MBP: variants seen among roughly 807,000 people sequenced by gnomAD.
MBP encodes myelin basic protein.
A neutral mutation model predicts 35.8 loss-of-function variants in MBP; 16 were observed. The observed-to-expected ratio is 0.45, with a 90% CI of 0.30 to 0.68. The LOEUF (loss-of-function observed/expected upper bound fraction) is 0.68. MBP is among the 30% of genes least tolerant of loss of function. The pLI is 0.08. For synonymous variants in MBP, 143 were observed against 159.6 expected (o/e 0.90, Z 0.78); for missense variants, 380 against 404.7 (o/e 0.94, Z 0.52).
intron 4 of MBP, chr18:77,010,270 G>T (rs1971269986): frequency 3.7e-6 from 1 of 271,374 alleles, no homozygotes; most frequent in African/African-American, 2.2e-5. Context: ...TTCTTAATAT[G>T]GCAGCAGGCA....
chr18:77,024,904 G>A (rs1312798817), intron 3 of MBP, among the ~76,000 whole-genome samples: 2 of 152,188 alleles, frequency 1.3e-5, no homozygotes, highest in African/African-American at 4.8e-5. Flanking sequence ...ACACTGACCT[G>A]GGTGACGTGT....
intron 3 of MBP, among the ~76,000 whole-genome samples, chr18:77,033,355 A>G (rs764953635): frequency 2.6e-5 from 4 of 152,140 alleles, no homozygotes; most frequent in Non-Finnish European, 5.9e-5. Context: ...TGGTTGCCTC[A>G]TTTGCAAAAC....
chr18:77,109,523 T>C (rs1443269478), intron 1 of MBP: 1 of 152,230 alleles, frequency 6.6e-6, no homozygotes, highest in Non-Finnish European at 1.5e-5. Flanking sequence ...TTTGAAATAA[T>C]TGTGAGTGCA....
chr18:77,028,006 T>TTTATTTATTTA (rs1234045855), intron 3 of MBP, among the ~76,000 whole-genome samples: 4 of 52,032 alleles, frequency 7.7e-5, no homozygotes, highest in East Asian at 1.5e-3. Flanking sequence ...TTATTTATTT[T>TTTATTTATTTA]TTTATTGATC....
At chr18:77,111,147 C>A (rs145763665) in intron 1 of MBP, among the ~76,000 whole-genome samples, 5 of 152,138 alleles carry the variant, frequency 3.3e-5, no homozygotes, top group Non-Finnish European at 7.3e-5. Context: ...CATAAATACA[C>A]GCTGAAGACA....
intron 1 of MBP, among the ~76,000 whole-genome samples, chr18:77,112,003 T>C (rs1976471116): frequency 2.0e-5 from 3 of 152,128 alleles, no homozygotes; most frequent in Admixed American, 2.0e-4. Context: ...CCTCCCTCCA[T>C]TCCTCTTCCT....
intron 2 of MBP, among the ~76,000 whole-genome samples, chr18:77,092,897 G>A (rs1975594582): frequency 6.6e-6 from 1 of 152,148 alleles, no homozygotes. Context: ...GGAACACACC[G>A]GCCCCGCGTG....
chr18:77,051,098 A>T (rs771330893), intron 3 of MBP, among the ~76,000 whole-genome samples: 20 of 152,190 alleles, frequency 1.3e-4, no homozygotes, highest in Non-Finnish European at 2.9e-4. Context: ...GTAACATAGC[A>T]TGTAAGATTC....
rs1969785412 is a variant in MBP, at chr18:76,989,791, G to A, written c.681+165C>T. The A allele has an allele frequency of 1.6e-6, 1 of 624,142 alleles. No individual in the cohort carries two copies. Among genetic ancestry groups the A allele is most frequent in the South Asian group, 1.9e-5 (1 of 54,024 alleles). The allele number at this position is 624,142 out of a possible 1,614,324, so 38.7% of individuals were successfully genotyped here. A position where few individuals can be genotyped will look rare whatever the true frequency, so the allele number is the denominator to read the frequency against. On this transcript the variant is annotated intron_variant, in intron 5 of 8. Transcript: ENST00000355994. The surrounding 1 kb of genome is among the most constrained non-coding windows in gnomAD (Gnocchi z 4.0). ...GATACAGTCGGGAAGCGCTTGCCTG[G>A]AACTCGCGATCAGGTGCGAGGGGGG...
At chr18:76,980,504 G>A (rs780429241) in intron 8 of MBP, 33 bp from the exon 9 acceptor site, 2 of 1,564,968 alleles carry the variant, frequency 1.3e-6, no homozygotes, top group South Asian at 1.1e-5. Flanking sequence ...TAGGACGAGA[G>A]TGCCGCAGGG....
intron 3 of MBP, among the ~76,000 whole-genome samples, chr18:77,026,804 T>C (rs1384194385): frequency 6.6e-6 from 1 of 152,198 alleles, no homozygotes; most frequent in Non-Finnish European, 1.5e-5. Context: ...AAGTTGAGGC[T>C]GCAGTCAGCT....
In MBP at chr18:77,066,490, A is replaced by C. The variant is rs552895647; in HGVS notation, c.52-105T>G. 14 of 819,440 alleles carry C rather than the reference A, an allele frequency of 1.7e-5. No individual in the cohort carries two copies. The South Asian group carries it at 1.9e-4, about 11-fold the overall frequency. 50.8% of individuals were successfully genotyped at this position (819,440 alleles called of 1,614,324 possible). A position where few individuals can be genotyped will look rare whatever the true frequency, so the allele number is the denominator to read the frequency against. On this transcript the variant is annotated intron_variant, in intron 2 of 8. Transcript: ENST00000355994. ...TTTATAAATTTTTTATCAGATAATC[A>C]GTTTCACATCTGTTTTCAAGATAGA...
Position 76,988,702 on chromosome 18 carries a change from G to T in MBP, c.717+175C>A. 1.5e-6 allele frequency: 2 copies of T among 1,349,300 alleles called. No homozygotes were observed. The highest frequency in any genetic ancestry group is 2.0e-6 in the Non-Finnish European group (2 of 987,942). The allele number at this position is 1,349,300 out of a possible 1,614,324, so 83.6% of individuals were successfully genotyped here. A position where few individuals can be genotyped will look rare whatever the true frequency, so the allele number is the denominator to read the frequency against. ...CCACAGCGGCTGTGCAGGTGCGGGA[G>T]GGACAGGAGGGGTGCATGGATCTGC... On this transcript the variant is annotated intron_variant, in intron 6 of 8. Coordinates refer to ENST00000355994, the MANE Select transcript of MBP (RefSeq NM_001025101.2). The surrounding 1 kb of genome is among the most constrained non-coding windows in gnomAD (Gnocchi z 5.2).
At chr18:77,081,761 T>TACACAC (rs1482128294) in intron 2 of MBP, among the ~76,000 whole-genome samples, 6 of 122,882 alleles carry the variant, frequency 4.9e-5, no homozygotes, top group Non-Finnish European at 1.1e-4. Context: ...TATATATATA[T>TACACAC]ATATATACAC....
At chr18:77,055,741 A>G (rs1973694109) in intron 3 of MBP, among the ~76,000 whole-genome samples, 1 of 152,178 alleles carries the variant, frequency 6.6e-6, no homozygotes. Context: ...GCAAACTGCA[A>G]TCAGGAAGCC....
intron 3 of MBP, among the ~76,000 whole-genome samples, chr18:77,022,090 ATTTT>A (rs968276576): frequency 6.6e-6 from 1 of 152,124 alleles, no homozygotes; most frequent in Non-Finnish European, 1.5e-5. Context: ...AGTGCTTCTG[ATTTT>A]TTTAATCAAA....
chr18:77,112,008 C>T (rs1976471497), intron 1 of MBP, among the ~76,000 whole-genome samples: 2 of 152,126 alleles, frequency 1.3e-5, no homozygotes, highest in Admixed American at 1.3e-4. Flanking sequence ...CTCCATTCCT[C>T]TTCCTCTTAT....
intron 1 of MBP, among the ~76,000 whole-genome samples, chr18:77,125,149 G>A (rs1339988407): frequency 6.6e-6 from 1 of 152,074 alleles, no homozygotes; most frequent in African/African-American, 2.4e-5. Context: ...CCTCTCCTTC[G>A]CCTTCCTTGT....
intron 4 of MBP, chr18:77,009,941 A>G: frequency 3.2e-6 from 5 of 1,567,182 alleles, no homozygotes; most frequent in South Asian, 2.3e-5. Context: ...CGGGGGACAC[A>G]GAGTGGGCTG....
Sources: gnomAD v4.1 joint callset for allele counts (sites outside exome capture counted in the v4.1 genomes callset) on GRCh38, gnomAD v4.1.1 for gene constraint, Gnocchi (gnomAD v3.1) non-coding constraint, MANE v1.5 for transcripts, NCBI Gene and HGNC (gene_info 2026-07-23, HGNC 2026-07-21) for gene names.